Variants in EBF2 observed in about 807,000 individuals in gnomAD.
EBF2 encodes EBF transcription factor 2.
A neutral mutation model predicts 72.8 loss-of-function variants in EBF2; 21 were observed. The observed-to-expected ratio is 0.29, with a 90% confidence interval of 0.20 to 0.42. EBF2 has a LOEUF of 0.42. EBF2 is among the 10% of genes least tolerant of loss of function. EBF2 has a pLI of 1.00. For missense variants in EBF2, 637 were observed against 731.2 expected (o/e 0.87, Z 1.49); for synonymous variants, 299 against 274.2 (o/e 1.09, Z -0.89).
At chr8:25,871,853 A>G (rs982409707) in intron 10 of EBF2, among the ~76,000 whole-genome samples, 2 of 152,142 alleles carry the variant, frequency 1.3e-5, no homozygotes, top group Admixed American at 6.6e-5. Flanking sequence ...GATTACTTAC[A>G]TATATCTTGG....
chr8:25,858,650 G>GTT, intron 13 of EBF2, 146 bp from the exon 14 acceptor site: 2 of 224,264 alleles, frequency 8.9e-6, no homozygotes, highest in South Asian at 7.5e-5. Flanking sequence ...TCCATCTTTA[G>GTT]CTTTTTTTTT....
intron 6 of EBF2, among the ~76,000 whole-genome samples, chr8:25,985,483 A>C (rs1804434399): frequency 6.6e-6 from 1 of 152,206 alleles, no homozygotes. Context: ...CTTTCTGAAC[A>C]GAAAAAAACC....
intron 15 of EBF2, 96 bp downstream of exon 15, chr8:25,850,498 G>A (rs1249928643): frequency 1.6e-5 from 21 of 1,351,936 alleles, no homozygotes; most frequent in Non-Finnish European, 2.1e-5. Context: ...TCTCTTTGCA[G>A]GTAAATGGCT....
Position 25,887,865 on chromosome 8 carries a change from C to A in EBF2, c.859G>T (p.Gly287Trp), listed in dbSNP as rs1486706101. The change falls in exon 9 of 16, where the codon GGG (glycine) becomes TGG (tryptophan). Residue 287 changes from glycine (G) to tryptophan (W), a missense_variant. Transcript: ENST00000520164. ...NFFDGLQVVFGTMLVWSELIT... is the reference protein window; with the variant it reads ...NFFDGLQVVFWTMLVWSELIT... ...ACCTCGCTCCATACAAGCATAGTCC[C>A]AAACACCACTTGGAGACCATCAAAG... 6.2e-7 allele frequency: 1 copy of A among 1,613,054 alleles called. No individual in the cohort carries two copies. Among genetic ancestry groups the A allele is most frequent in the Admixed American group, 1.7e-5 (1 of 59,836 alleles).
chr8:26,041,102 C>G, intron 2 of EBF2, 100 bp from the exon 3 acceptor site: 2 of 1,392,852 alleles, frequency 1.4e-6, no homozygotes, highest in Non-Finnish European at 2.0e-6. Context: ...TTCTCCCCAT[C>G]AAAAGGCAGC....
At chr8:25,967,766 T>C (rs1444051552) in intron 6 of EBF2, among the ~76,000 whole-genome samples, 1 of 152,184 alleles carries the variant, frequency 6.6e-6, no homozygotes, top group Non-Finnish European at 1.5e-5. Context: ...TCTGGAGTTG[T>C]GATGCCTAGG....
At chr8:25,932,298 T>G (rs943866386) in intron 6 of EBF2, among the ~76,000 whole-genome samples, 1 of 151,952 alleles carries the variant, frequency 6.6e-6, no homozygotes, top group African/African-American at 2.4e-5. Flanking sequence ...CTTCAACCAT[T>G]TTTTTAACTA....
At chr8:26,005,484 A>ATATATATTATATATTAT (rs1407167716) in intron 6 of EBF2, among the ~76,000 whole-genome samples, 6 of 13,518 alleles carry the variant, frequency 4.4e-4, no homozygotes, top group African/African-American at 3.4e-3. Context: ...ATTATTTATA[A>ATATATATTATATATTAT]AATATATATT....
At chr8:25,943,858 T>C (rs1465766119) in intron 6 of EBF2, among the ~76,000 whole-genome samples, 1 of 152,106 alleles carries the variant, frequency 6.6e-6, no homozygotes, top group Admixed American at 6.5e-5. Flanking sequence ...TGGAAATACA[T>C]AGAGCCGAAT....
intron 6 of EBF2, among the ~76,000 whole-genome samples, chr8:25,959,812 T>C (rs1299898911): frequency 6.6e-6 from 1 of 152,088 alleles, no homozygotes; most frequent in African/African-American, 2.4e-5. Flanking sequence ...ATGGAAGGGC[T>C]TACAGTCAGG....
chr8:25,880,857 C>T (rs1277827064), intron 10 of EBF2, among the ~76,000 whole-genome samples: 1 of 152,070 alleles, frequency 6.6e-6, no homozygotes, highest in Non-Finnish European at 1.5e-5. Context: ...GTATTTTGTC[C>T]TTCCTCTGAA....
intron 6 of EBF2, among the ~76,000 whole-genome samples, chr8:25,983,662 G>T (rs1804400131): frequency 6.6e-6 from 1 of 152,124 alleles, no homozygotes; most frequent in Non-Finnish European, 1.5e-5. Flanking sequence ...ACCCCAGCCG[G>T]CCCCAGCTTC....
chr8:25,855,232 T>A (rs1263344004), intron 14 of EBF2, among the ~76,000 whole-genome samples: 2 of 152,112 alleles, frequency 1.3e-5, no homozygotes, highest in Non-Finnish European at 2.9e-5. Context: ...CGGGCACATA[T>A]CCTCCTTTGC....
At chr8:25,864,241 G>T (rs1327207138) in intron 10 of EBF2, among the ~76,000 whole-genome samples, 1 of 152,134 alleles carries the variant, frequency 6.6e-6, no homozygotes, top group Non-Finnish European at 1.5e-5. Context: ...CTCCAGCAAT[G>T]CGTGTGCTCA....
At chr8:25,883,384 T>C (rs1296709567) in intron 10 of EBF2, among the ~76,000 whole-genome samples, 1 of 150,996 alleles carries the variant, frequency 6.6e-6, no homozygotes, top group Non-Finnish European at 1.5e-5. Flanking sequence ...GGGCTGAATC[T>C]AGTTATTGTA....
At chr8:25,908,083 CGGT>C (rs1418747903) in intron 7 of EBF2, among the ~76,000 whole-genome samples, 1 of 152,114 alleles carries the variant, frequency 6.6e-6, no homozygotes, top group Non-Finnish European at 1.5e-5. Context: ...AATAGTTAAT[CGGT>C]GGAAAAGGGA....
chr8:25,900,678 G>C (rs1055350554), intron 7 of EBF2, among the ~76,000 whole-genome samples: 6 of 152,096 alleles, frequency 3.9e-5, no homozygotes, highest in African/African-American at 1.4e-4. Flanking sequence ...TCAGCAAATT[G>C]AGGTAAGCAT....
intron 10 of EBF2, among the ~76,000 whole-genome samples, chr8:25,883,165 A>G (rs1227454615): frequency 6.6e-6 from 1 of 152,190 alleles, no homozygotes; most frequent in African/African-American, 2.4e-5. Flanking sequence ...GTAACATAAC[A>G]TCTGTTATTT....
At chr8:25,885,083 C>T (rs1802667502) in intron 10 of EBF2, among the ~76,000 whole-genome samples, 1 of 152,116 alleles carries the variant, frequency 6.6e-6, no homozygotes, top group African/African-American at 2.4e-5. Flanking sequence ...TCAGTTAACT[C>T]AGTCTTTATA....
Sources: allele counts gnomAD v4.1 joint callset (sites outside exome capture counted in the v4.1 genomes callset), GRCh38; gene constraint gnomAD v4.1.1; transcripts MANE v1.5; gene names NCBI Gene and HGNC (gene_info 2026-07-23, HGNC 2026-07-21).